SASH1: variants seen among roughly 807,000 people sequenced by gnomAD.
SASH1 encodes the protein SAM and SH3 domain containing 1, also known as SAM and SH3 domain-containing protein 1.
SASH1 carries 44 observed loss-of-function variants against 125.2 expected under a neutral mutation model. The ratio of observed to expected loss-of-function variants is 0.35; its 90% confidence interval spans 0.28 to 0.45. The LOEUF (loss-of-function observed/expected upper bound fraction) is 0.45. SASH1 is among the 20% of genes least tolerant of loss of function. The pLI, the probability that SASH1 is intolerant of heterozygous loss-of-function variation, is 1.00. For synonymous variants in SASH1, 639 were observed against 649.1 expected (o/e 0.98, Z 0.24); for missense variants, 1,426 against 1,614.5 (o/e 0.88, Z 2.00).
chr6:148,352,827 G>A (rs1781783564), intron 1 of SASH1, among the ~76,000 whole-genome samples: 1 of 151,684 alleles, frequency 6.6e-6, no homozygotes, highest in South Asian at 2.1e-4. Flanking sequence ...AAATTAGCCA[G>A]GTGTGGTAGT....
rs917624561 is a variant in SASH1, at chr6:148,495,765, C to T, written c.729+8050C>T. ...ACACATACTGTAGTACTTCAGTCGG[C>T]GTTGTAGGTCCGGTGAAAGTATCCC... On this transcript the variant is annotated intron_variant, in intron 8 of 19. Coordinates refer to ENST00000367467, the MANE Select transcript of SASH1 (RefSeq NM_015278.5). The surrounding 1 kb of genome is among the most constrained non-coding windows in gnomAD (Gnocchi z 4.0). 2.0e-5 allele frequency among the ~76,000 whole-genome samples: 3 copies of T among 152,110 alleles called. No homozygotes were observed. Among genetic ancestry groups the T allele is most frequent in the African/African-American group, 7.2e-5 (3 of 41,416 alleles).
chr6:148,232,527 A>C, the SASH1 span, among the ~76,000 whole-genome samples: 1 of 152,240 alleles, frequency 6.6e-6, no homozygotes, highest in Non-Finnish European at 1.5e-5. Context: ...TTGGGGAAGA[A>C]ACTGATACTC....
At chr6:148,405,857 C>T (rs1784350235) in intron 2 of SASH1, among the ~76,000 whole-genome samples, 1 of 152,210 alleles carries the variant, frequency 6.6e-6, no homozygotes, top group Non-Finnish European at 1.5e-5. Context: ...AAAAGCTGCA[C>T]TTACTGGTTT....
rs143974906 is a variant in SASH1 at position 148,455,687 on chromosome 6, A to G, written c.387-12858A>G. On this transcript the variant is annotated intron_variant, in intron 4 of 19. Coordinates refer to ENST00000367467, the MANE Select transcript of SASH1 (RefSeq NM_015278.5). ...TTTCATAGTATTTATAACATATACA[A>G]ATTTTCCATTAGCCATGTCTGTGAA... Among the ~76,000 whole-genome samples, 111 of 152,336 alleles carry G rather than the reference A, an allele frequency of 7.3e-4. 1 individual carries two copies. In the East Asian group the frequency reaches 0.019, roughly 26 times the overall value.
chr6:148,256,096 G>T, the SASH1 span, among the ~76,000 whole-genome samples: 1 of 152,096 alleles, frequency 6.6e-6, no homozygotes, highest in African/African-American at 2.4e-5. Context: ...TGACAATTTT[G>T]TGCCTCTGCC....
chr6:148,387,680 CT>C (rs1352513653), intron 1 of SASH1, among the ~76,000 whole-genome samples: 3 of 99,856 alleles, frequency 3.0e-5, no homozygotes, highest in Admixed American at 1.2e-4. Context: ...TTCTTTCTTT[CT>C]TTCTTTCTTT....
rs556512370 is a variant in SASH1, at chr6:148,319,398, G to A, written n.74+47021G>A. On this transcript the variant is annotated intron_variant and non_coding_transcript_variant, in intron 1 of 3. Coordinates refer to the SASH1 transcript ENST00000367469. ...GGAACCTGGGAGATTGTGAATCACC[G>A]TAGTCCTCCCTTATTCATGGTTTCT... is the stretch of plus-strand genomic sequence containing the variant. 2.9e-3 allele frequency among the ~76,000 whole-genome samples: 448 copies of A among 152,058 alleles called. 2 individuals carry two copies. Among genetic ancestry groups the A allele is most frequent in the African/African-American group, 0.01 (428 of 41,484 alleles).
At chr6:148,276,382 T>C (rs1189538241) in intron 1 of SASH1, among the ~76,000 whole-genome samples, 1 of 152,208 alleles carries the variant, frequency 6.6e-6, no homozygotes, top group African/African-American at 2.4e-5. Flanking sequence ...TCTCTCCTTT[T>C]GTGACTCACC....
At chr6:148,289,365 C>T (rs942369320) in intron 1 of SASH1, among the ~76,000 whole-genome samples, 1 of 152,168 alleles carries the variant, frequency 6.6e-6, no homozygotes, top group Non-Finnish European at 1.5e-5. Flanking sequence ...TGTGGAAAGG[C>T]GTGAGCCTAT....
At chr6:148,369,915 C>T (rs1016985807) in intron 1 of SASH1, among the ~76,000 whole-genome samples, 1 of 137,276 alleles carries the variant, frequency 7.3e-6, no homozygotes, top group Non-Finnish European at 1.5e-5. Flanking sequence ...GATCATGCCA[C>T]TGCACTCCAG....
At chr6:148,274,042 G>C (rs1235115574) in intron 1 of SASH1, among the ~76,000 whole-genome samples, 1 of 152,216 alleles carries the variant, frequency 6.6e-6, no homozygotes, top group African/African-American at 2.4e-5. Flanking sequence ...CTGGGTCATT[G>C]AGAGAAAAGT....
At chr6:148,364,311 A>G (rs917131796) in intron 1 of SASH1, among the ~76,000 whole-genome samples, 2 of 152,154 alleles carry the variant, frequency 1.3e-5, no homozygotes, top group African/African-American at 2.4e-5. Context: ...ACGAAGGGAA[A>G]GGTCCCCTGA....
At chr6:148,318,412 T>C (rs1780538037) in intron 1 of SASH1, among the ~76,000 whole-genome samples, 1 of 152,242 alleles carries the variant, frequency 6.6e-6, no homozygotes, top group Non-Finnish European at 1.5e-5. Context: ...ATCATCTGAA[T>C]GCATCAACAG....
At chr6:148,246,793 T>C in the SASH1 span, among the ~76,000 whole-genome samples, 1 of 152,270 alleles carries the variant, frequency 6.6e-6, no homozygotes, top group South Asian at 2.1e-4. Context: ...ACAAAATGAT[T>C]TGTAAATTTA....
chr6:148,476,187 A>G (rs1778334684), intron 7 of SASH1, among the ~76,000 whole-genome samples: 1 of 151,992 alleles, frequency 6.6e-6, no homozygotes, highest in Non-Finnish European at 1.5e-5. Flanking sequence ...AGTAGCCACA[A>G]ATAAAATACC....
the SASH1 span, among the ~76,000 whole-genome samples, chr6:148,206,831 A>ACACACACACACACAC: frequency 6.6e-6 from 1 of 151,224 alleles, no homozygotes; most frequent in African/African-American, 2.4e-5. Flanking sequence ...ACACACACAC[A>ACACACACACACACAC]AATTAACATA....
At chr6:148,542,879 T>TGCAC (rs1554273832) in intron 17 of SASH1, among the ~76,000 whole-genome samples, 1 of 138,810 alleles carries the variant, frequency 7.2e-6, no homozygotes, top group Non-Finnish European at 1.6e-5. Flanking sequence ...TGTGTGTGTG[T>TGCAC]GCGCGCGCAC....
chr6:148,439,505 G>A (rs1323817610), intron 2 of SASH1, among the ~76,000 whole-genome samples: 1 of 152,164 alleles, frequency 6.6e-6, no homozygotes, highest in African/African-American at 2.4e-5. Flanking sequence ...GGGGCTGGGC[G>A]CGGTGGCTCA....
At chr6:148,218,762 G>A in the SASH1 span, among the ~76,000 whole-genome samples, 41 of 152,200 alleles carry the variant, frequency 2.7e-4, no homozygotes, top group Non-Finnish European at 5.9e-4. Flanking sequence ...AATCCAGGCA[G>A]TTCAGAGTCC....
Sources: allele counts gnomAD v4.1 joint callset (sites outside exome capture counted in the v4.1 genomes callset), GRCh38; gene constraint gnomAD v4.1.1; non-coding constraint Gnocchi (gnomAD v3.1); transcripts MANE v1.5; gene names NCBI Gene and HGNC (gene_info 2026-07-23, HGNC 2026-07-21).